The following CEP128 variants were observed in gnomAD, a reference collection of about 807,000 sequenced individuals.
CEP128 encodes the protein centrosomal protein 128kDa.
Under a neutral mutation model 156.7 loss-of-function variants are expected in CEP128, and 132 were observed. That is an observed-to-expected ratio of 0.84 (90% confidence interval 0.73 to 0.97). The LOEUF is 0.97. CEP128 is among the 50% of genes least tolerant of loss of function. The probability of loss-of-function intolerance (pLI) is 0.00; values close to 1 mark genes in which losing one functional copy is unlikely to be tolerated. For synonymous variants in CEP128, 469 were observed against 448.9 expected (o/e 1.04, Z -0.57); for missense variants, 1,252 against 1,281.9 (o/e 0.98, Z 0.36).
chr14:80,884,713 A>C (rs1337672745), intron 8 of CEP128, among the ~76,000 whole-genome samples: 1 of 152,154 alleles, frequency 6.6e-6, no homozygotes, highest in Admixed American at 6.5e-5. Flanking sequence ...CCTGGGTTTC[A>C]AGCACAAAAC....
chr14:80,736,708 G>A (rs958181356), intron 19 of CEP128, among the ~76,000 whole-genome samples: 23 of 152,258 alleles, frequency 1.5e-4, no homozygotes, highest in African/African-American at 4.3e-4. Context: ...TTTTAGGCCC[G>A]TTACACAGAG....
At chr14:80,492,968 A>AAT (rs1009242250), downstream of CEP128, among the ~76,000 whole-genome samples, 20 of 152,056 alleles carry the variant, frequency 1.3e-4, no homozygotes, top group African/African-American at 2.7e-4. Context: ...TTCTTTTAAA[A>AAT]ATATATATAT....
intron 14 of CEP128, among the ~76,000 whole-genome samples, chr14:80,789,641 T>C (rs1293593320): frequency 6.6e-6 from 1 of 151,982 alleles, no homozygotes; most frequent in African/African-American, 2.4e-5. Context: ...AAGAATGCTC[T>C]AACCAGGCAA....
intron 19 of CEP128, among the ~76,000 whole-genome samples, chr14:80,729,058 G>T (rs2619658): frequency 0.055 from 5,802 of 104,752 alleles, 778 homozygotes; most frequent in African/African-American, 0.18. Flanking sequence ...GGCTGGTGGG[G>T]GTGTGTGTGT....
Position 80,924,349 on chromosome 14 carries a change from G to A in CEP128, c.-15-7787C>T, listed in dbSNP as rs76050901. Among the ~76,000 whole-genome samples, 1,090 of 152,260 alleles carry A rather than the reference G, an allele frequency of 7.2e-3. 10 individuals are homozygous for A. The highest frequency in any genetic ancestry group is 0.025 in the African/African-American group (1,030 of 41,552). On this transcript the variant is annotated intron_variant, in intron 2 of 24. Coordinates refer to ENST00000555265, the MANE Select transcript of CEP128 (RefSeq NM_152446.5). ...ACTGTCCAGTCCACCAGTCAGTTCTGTTATGTTAGTGAACATAATACATTA... is the reference window on the plus strand; with the variant it reads ...ACTGTCCAGTCCACCAGTCAGTTCTATTATGTTAGTGAACATAATACATTA...
chr14:80,688,525 G>A (rs1896602851), intron 19 of CEP128, among the ~76,000 whole-genome samples: 1 of 152,110 alleles, frequency 6.6e-6, no homozygotes, highest in Non-Finnish European at 1.5e-5. Context: ...CATTGCAATA[G>A]TTCCCAAACC....
At chr14:80,618,257 T>C (rs953125520) in intron 19 of CEP128, among the ~76,000 whole-genome samples, 2 of 152,218 alleles carry the variant, frequency 1.3e-5, no homozygotes, top group Non-Finnish European at 2.9e-5. Flanking sequence ...CATCAAGCAA[T>C]TATGATGTTA....
intron 19 of CEP128, among the ~76,000 whole-genome samples, chr14:80,704,464 T>C (rs1200945701): frequency 6.8e-6 from 1 of 148,074 alleles, no homozygotes; most frequent in African/African-American, 2.4e-5. Flanking sequence ...TTTCTATATA[T>C]AAACATATGT....
At chr14:80,627,326 C>T (rs1168568994) in intron 19 of CEP128, among the ~76,000 whole-genome samples, 2 of 152,186 alleles carry the variant, frequency 1.3e-5, no homozygotes, top group Non-Finnish European at 2.9e-5. Flanking sequence ...TCAGCATATT[C>T]TGCTTAAGAA....
chr14:80,722,397 T>C (rs1400896625), intron 19 of CEP128, among the ~76,000 whole-genome samples: 2 of 152,130 alleles, frequency 1.3e-5, no homozygotes, highest in African/African-American at 4.8e-5. Context: ...ATTCTAAAAA[T>C]GCAATCAACA....
intron 8 of CEP128, among the ~76,000 whole-genome samples, chr14:80,866,860 T>C (rs1887790289): frequency 6.6e-6 from 1 of 152,174 alleles, no homozygotes; most frequent in Non-Finnish European, 1.5e-5. Context: ...TACAAGAGAA[T>C]ACAGTAGTCC....
At chr14:80,955,578 C>T in intron 2 of CEP128, 1 of 1,427,872 alleles carries the variant, frequency 7.0e-7, no homozygotes, top group Non-Finnish European at 9.9e-7. Context: ...TCTTCCCACC[C>T]CTCCCGCTCC....
intron 23 of CEP128, among the ~76,000 whole-genome samples, chr14:80,526,036 T>A (rs532151659): frequency 6.6e-6 from 1 of 152,246 alleles, no homozygotes; most frequent in East Asian, 1.9e-4. Flanking sequence ...TGAATATAGA[T>A]GGACTCTCTC....
In CEP128 at chr14:80,550,980, T is replaced by C. The variant is rs1272592026; in HGVS notation, c.2880+8299A>G. Among the ~76,000 whole-genome samples, 48 of 152,284 alleles carry C rather than the reference T, an allele frequency of 3.2e-4. 1 individual carries two copies. The highest frequency in any genetic ancestry group is 2.9e-3 in the Admixed American group (45 of 15,302). On this transcript the variant is annotated intron_variant, in intron 21 of 24. Transcript: ENST00000555265. The stretch of plus-strand genomic sequence containing the variant: ...TTCATTTCTATTCCCATTATTTCTA[T>C]AGATTTAATCACAAATCTTGTTCAC...
At chr14:80,608,592 AT>A (rs1337798190) in intron 19 of CEP128, among the ~76,000 whole-genome samples, 8 of 152,034 alleles carry the variant, frequency 5.3e-5, no homozygotes, top group Non-Finnish European at 1.2e-4. Context: ...ACCTTTCACC[AT>A]CCCTTTCCAT....
intron 14 of CEP128, among the ~76,000 whole-genome samples, chr14:80,788,753 T>TAGGAGAGG (rs1901553183): frequency 6.6e-6 from 1 of 152,118 alleles, no homozygotes; most frequent in Non-Finnish European, 1.5e-5. Flanking sequence ...CGGTCAACCC[T>TAGGAGAGG]ACAATTTAGG....
intron 9 of CEP128, among the ~76,000 whole-genome samples, chr14:80,860,271 A>C (rs1232858642): frequency 6.6e-6 from 1 of 152,226 alleles, no homozygotes; most frequent in Non-Finnish European, 1.5e-5. Flanking sequence ...AAAAACGTAT[A>C]GGTCACTGCT....
At chr14:80,732,072 A>G (rs1013261641) in intron 19 of CEP128, among the ~76,000 whole-genome samples, 30 of 152,236 alleles carry the variant, frequency 2.0e-4, no homozygotes, top group African/African-American at 6.5e-4. Flanking sequence ...CCATCTATCC[A>G]CCTGCCCCCA....
intron 19 of CEP128, among the ~76,000 whole-genome samples, chr14:80,652,772 A>C (rs554983135): frequency 1.3e-5 from 2 of 152,324 alleles, no homozygotes; most frequent in Non-Finnish European, 2.9e-5. Flanking sequence ...ATTGTGGAAG[A>C]CAGTGTGGTG....
Sources: gnomAD v4.1 joint callset for allele counts (sites outside exome capture counted in the v4.1 genomes callset) on GRCh38, gnomAD v4.1.1 for gene constraint, MANE v1.5 for transcripts, NCBI Gene and HGNC (gene_info 2026-07-23, HGNC 2026-07-21) for gene names.